Variants in EML5 observed in about 807,000 individuals in gnomAD.
The protein encoded by EML5 is echinoderm microtubule-associated protein-like 5.
Under a neutral mutation model 250.0 loss-of-function variants are expected in EML5, and 120 were observed. The ratio of observed to expected loss-of-function variants is 0.48; its 90% CI spans 0.41 to 0.56. The LOEUF is 0.56. EML5 is among the 20% of genes least tolerant of loss of function. The pLI is 0.00. For missense variants in EML5, 2,006 were observed against 2,437.6 expected (o/e 0.82, Z 3.73); for synonymous variants, 771 against 806.5 (o/e 0.96, Z 0.75).
At chr14:88,763,790 A>G (rs2094283235) in intron 1 of EML5, among the ~76,000 whole-genome samples, 1 of 152,208 alleles carries the variant, frequency 6.6e-6, no homozygotes, top group African/African-American at 2.4e-5. Flanking sequence ...AGAAGTGACA[A>G]GAATAGACAC....
intron 21 of EML5, among the ~76,000 whole-genome samples, chr14:88,669,737 G>A (rs2092407082): frequency 6.6e-6 from 1 of 152,212 alleles, no homozygotes; most frequent in South Asian, 2.1e-4. Context: ...CTGCCAAGGG[G>A]TAGTCAGAGT....
In EML5 at chr14:88,615,812, C is replaced by A. The variant is rs954754695; in HGVS notation, c.*6G>T. ...AAGTTAATTTCTGTAGTCATCTCAG[C>A]ATCTCTCAGTGAGGTGTATGTACAC... On this transcript the variant is annotated 3_prime_UTR_variant, in exon 44 of 44. Coordinates refer to ENST00000554922, the MANE Select transcript of EML5 (RefSeq NM_183387.3). 5 of 1,610,784 alleles carry A rather than the reference C, an allele frequency of 3.1e-6. No individual in the cohort carries two copies. In the South Asian group the frequency reaches 5.6e-5, roughly 18 times the overall value.
intron 34 of EML5, 87 bp downstream of exon 34, chr14:88,627,559 C>G: frequency 7.3e-7 from 1 of 1,361,460 alleles, no homozygotes; most frequent in Non-Finnish European, 9.9e-7. Flanking sequence ...TTTCAACCAC[C>G]AACTTTAAGA....
intron 1 of EML5, among the ~76,000 whole-genome samples, chr14:88,781,450 A>G (rs1241301175): frequency 2.6e-5 from 4 of 152,352 alleles, no homozygotes; most frequent in African/African-American, 9.6e-5. Flanking sequence ...CCACAGACTC[A>G]GAATAACAAT....
At chr14:88,754,248 A>G (rs1326843702) in intron 2 of EML5, among the ~76,000 whole-genome samples, 1 of 152,214 alleles carries the variant, frequency 6.6e-6, no homozygotes, top group Non-Finnish European at 1.5e-5. Context: ...ACATAGAAAA[A>G]TCTGTATAAT....
At chr14:88,637,555 G>A (rs1483251538) in intron 32 of EML5, among the ~76,000 whole-genome samples, 4 of 152,100 alleles carry the variant, frequency 2.6e-5, no homozygotes, top group South Asian at 2.1e-4. Context: ...TTTGCAGAAC[G>A]TAAATCCCAT....
At chr14:88,626,603 T>G (rs1249125800) in intron 35 of EML5, 1 of 500,650 alleles carries the variant, frequency 2.0e-6, no homozygotes, top group Non-Finnish European at 3.6e-6. Flanking sequence ...GGCGACAGAG[T>G]GAGATACTGT....
Position 88,615,719 on chromosome 14 carries a change from C to T in EML5, c.*99G>A, listed in dbSNP as rs1005832678. ...TCTGGGCATTTCTCCCTGTTACAGT[C>T]TTGGGTTAGCACCACTTGACCATGC... On this transcript the variant is annotated 3_prime_UTR_variant, in exon 44 of 44. Transcript: ENST00000554922. 6.3e-6 allele frequency: 7 copies of T among 1,111,548 alleles called. No homozygotes were observed. Among genetic ancestry groups the T allele is most frequent in the East Asian group, 2.5e-5 (1 of 39,774 alleles). The allele number at this position is 1,111,548 out of a possible 1,614,324, so 68.9% of individuals were successfully genotyped here.
At chr14:88,743,696 T>C (rs2093960448) in intron 4 of EML5, among the ~76,000 whole-genome samples, 1 of 152,080 alleles carries the variant, frequency 6.6e-6, no homozygotes, top group South Asian at 2.1e-4. Context: ...GAAAAACTCT[T>C]CATTTCTTTC....
intron 8 of EML5, among the ~76,000 whole-genome samples, chr14:88,722,767 T>C (rs2093610175): frequency 6.6e-6 from 1 of 151,602 alleles, no homozygotes; most frequent in African/African-American, 2.4e-5. Flanking sequence ...TGATTTTTCA[T>C]AAAAAAAAAT....
At chr14:88,743,188 T>G (rs999059052) in intron 4 of EML5, among the ~76,000 whole-genome samples, 1 of 152,012 alleles carries the variant, frequency 6.6e-6, no homozygotes, top group Non-Finnish European at 1.5e-5. Flanking sequence ...AGAGGAGGAA[T>G]AAGTTCTACT....
chr14:88,656,271 G>C (rs192991016), intron 27 of EML5, among the ~76,000 whole-genome samples: 1 of 152,108 alleles, frequency 6.6e-6, no homozygotes. Context: ...TAAACACCAC[G>C]GAATACTATG....
chr14:88,680,996 T>A (rs1249779962), intron 21 of EML5, among the ~76,000 whole-genome samples: 1 of 152,178 alleles, frequency 6.6e-6, no homozygotes, highest in Non-Finnish European at 1.5e-5. Flanking sequence ...TGGAGACAAT[T>A]AGATTTTATA....
At position 88,613,022 on chromosome 14, in the gene EML5, CAAATGATGAT is replaced by C. The variant is rs2087034338; in HGVS notation, c.*2786_*2795del. On this transcript the variant is annotated 3_prime_UTR_variant, in exon 44 of 44. Coordinates refer to ENST00000554922, the MANE Select transcript of EML5 (RefSeq NM_183387.3). ...TCATTGACTTGCTTAGTCGTATACT[CAAATGATGAT>C]AAACCTACATGTGCAAAGGCTCACG... 1 of 152,180 alleles carries C rather than the reference CAAATGATGAT, an allele frequency of 6.6e-6. No individual in the cohort carries two copies. The highest frequency in any genetic ancestry group is 1.5e-5 in the Non-Finnish European group (1 of 67,980). 9.4% of individuals were successfully genotyped at this position (152,180 alleles called of 1,614,324 possible). A position where few individuals can be genotyped will look rare whatever the true frequency, so the allele number is the denominator to read the frequency against.
At chr14:88,718,981 A>G (rs2093547597) in intron 8 of EML5, among the ~76,000 whole-genome samples, 1 of 152,200 alleles carries the variant, frequency 6.6e-6, no homozygotes, top group African/African-American at 2.4e-5. Context: ...AAAATTTTAA[A>G]TGAATGTGTG....
intron 1 of EML5, among the ~76,000 whole-genome samples, chr14:88,758,353 C>G (rs2094191685): frequency 6.6e-6 from 1 of 151,846 alleles, no homozygotes; most frequent in African/African-American, 2.4e-5. Flanking sequence ...CCACCACGCC[C>G]AGCTAATTTT....
chr14:88,661,744 A>G lies in EML5; in HGVS notation c.3585T>C (p.Asp1195=), dbSNP rs964690753. 1.2e-6 allele frequency: 2 copies of G among 1,613,644 alleles called. No individual in the cohort carries two copies. The highest frequency in any genetic ancestry group is 2.7e-5 in the African/African-American group (2 of 74,926). The change falls in exon 25 of 44, where the codon GAT becomes GAC. Residue 1195 remains aspartate, a synonymous_variant. Transcript: ENST00000554922. ...GIWPVIGEVT[D]VTASCLTSDK... Reference sequence around the variant, plus strand: ...CACTGGTGAGGCAAGAAGCAGTTACATCTGTAACTTCTCCAATTACTGGCC... The same window carrying G: ...CACTGGTGAGGCAAGAAGCAGTTACGTCTGTAACTTCTCCAATTACTGGCC...
At chr14:88,747,594 G>T (rs2094024791) in intron 2 of EML5, among the ~76,000 whole-genome samples, 1 of 152,080 alleles carries the variant, frequency 6.6e-6, no homozygotes, top group African/African-American at 2.4e-5. Context: ...TGAGAAATAA[G>T]CTTAATGTGC....
In EML5 at chr14:88,642,929, T is replaced by C; in HGVS notation, c.4201A>G (p.Thr1401Ala). ...LNDGDDIIYHTASVGILHNVA... is the reference protein window; with the variant it reads ...LNDGDDIIYHAASVGILHNVA... ...TTGTGCAGAATTCCAACAGATGCAG[T>C]GTGATAAATTATATCATCACCATCA... The change falls in exon 31 of 44, where the codon ACT (threonine) becomes GCT (alanine). Residue 1401 changes from threonine (T) to alanine (A), a missense_variant. Coordinates refer to ENST00000554922, the MANE Select transcript of EML5 (RefSeq NM_183387.3). The C allele has an allele frequency of 1.2e-6, 2 of 1,606,828 alleles. No homozygotes were observed. The highest frequency in any genetic ancestry group is 1.7e-6 in the Non-Finnish European group (2 of 1,177,688).
Sources: gnomAD v4.1 joint callset for allele counts (sites outside exome capture counted in the v4.1 genomes callset) on GRCh38, gnomAD v4.1.1 for gene constraint, MANE v1.5 for transcripts, NCBI Gene and HGNC (gene_info 2026-07-23, HGNC 2026-07-21) for gene names.